Variants in PLEKHM3 observed in about 807,000 individuals in gnomAD.
PLEKHM3 encodes pleckstrin homology domain containing M3, also known as pleckstrin homology domain-containing family M member 3.
Under a neutral mutation model 81.8 loss-of-function variants are expected in PLEKHM3, and 45 were observed. The observed-to-expected ratio is 0.55, with a 90% CI of 0.43 to 0.71. The LOEUF (loss-of-function observed/expected upper bound fraction) is 0.71, where lower values mean the gene tolerates loss of function less well. Ranked by LOEUF, PLEKHM3 falls within the 30% of genes least tolerant of loss-of-function variation. PLEKHM3 has a pLI of 0.00. For synonymous variants in PLEKHM3, 352 were observed against 356.4 expected (o/e 0.99, Z 0.14); for missense variants, 788 against 924.3 (o/e 0.85, Z 1.91).
At chr2:207,865,781 C>CCAAAAAAA (rs2092492772) in intron 6 of PLEKHM3, among the ~76,000 whole-genome samples, 1 of 3,792 alleles carries the variant, frequency 2.6e-4, no homozygotes, top group African/African-American at 7.2e-4. Flanking sequence ...AACTCCGACT[C>CCAAAAAAA]AAAAAAAAAA....
intron 5 of PLEKHM3, among the ~76,000 whole-genome samples, chr2:207,920,803 G>C (rs1443090922): frequency 6.6e-6 from 1 of 151,962 alleles, no homozygotes; most frequent in African/African-American, 2.4e-5. Flanking sequence ...TACAGGTCTG[G>C]GACATAGGAG....
intron 1 of PLEKHM3, among the ~76,000 whole-genome samples, chr2:208,020,030 T>G (rs759197599): frequency 4.6e-5 from 7 of 152,262 alleles, no homozygotes; most frequent in Non-Finnish European, 1.0e-4. Flanking sequence ...TAGTTATATT[T>G]CTGATGTTTC....
intron 6 of PLEKHM3, among the ~76,000 whole-genome samples, chr2:207,862,700 A>G (rs947991202): frequency 6.6e-6 from 1 of 152,210 alleles, no homozygotes; most frequent in Non-Finnish European, 1.5e-5. Flanking sequence ...AATCATACCT[A>G]AAGAGAAATT....
At chr2:207,863,122 A>G (rs547292417) in intron 6 of PLEKHM3, among the ~76,000 whole-genome samples, 2 of 152,340 alleles carry the variant, frequency 1.3e-5, no homozygotes, top group South Asian at 4.1e-4. Context: ...TAGAGAACTG[A>G]GCCATGCATT....
At chr2:207,911,103 C>T (rs530573311) in intron 5 of PLEKHM3, among the ~76,000 whole-genome samples, 143 of 152,000 alleles carry the variant, frequency 9.4e-4, no homozygotes, top group Non-Finnish European at 1.5e-3. Flanking sequence ...TGTAGAAGAC[C>T]CAGGGCACTT....
At chr2:207,871,800 T>C (rs1314701322) in intron 6 of PLEKHM3, among the ~76,000 whole-genome samples, 2 of 152,234 alleles carry the variant, frequency 1.3e-5, no homozygotes, top group Admixed American at 1.3e-4. Context: ...TATAGGTACA[T>C]GTGTTTTATT....
chr2:207,979,536 GAAAA>G (rs796407911), intron 2 of PLEKHM3, among the ~76,000 whole-genome samples: 1 of 105,138 alleles, frequency 9.5e-6, no homozygotes, highest in Admixed American at 1.0e-4. Context: ...CGCCGTCTCA[GAAAA>G]AAAAAAAAAA....
At position 207,931,060 on chromosome 2, in the gene PLEKHM3, G is replaced by A. The variant is rs1689581113; in HGVS notation, c.1752C>T (p.Ile584=). ...EYVYEEPLID[I]QQENAMLYHH... ...GGTACAGCATGGCGTTCTCCTGCTG[G>A]ATGTCGATGAGCGGCTCTTCGTACA... The change falls in exon 5 of 8, where the codon ATC becomes ATT. Residue 584 remains isoleucine (I), a synonymous_variant. Transcript: ENST00000427836. 1 of 1,613,970 alleles carries A rather than the reference G, an allele frequency of 6.2e-7. No homozygotes were observed.
intron 5 of PLEKHM3, among the ~76,000 whole-genome samples, chr2:207,923,880 C>CATATAT (rs1226187210): frequency 5.3e-5 from 3 of 56,770 alleles, no homozygotes; most frequent in African/African-American, 2.1e-4. Flanking sequence ...CACACACACA[C>CATATAT]ATATATATAT....
chr2:207,976,574 G>A lies in PLEKHM3; in HGVS notation c.1546+77C>T. ...ATAGCTGTGACTAGCCTATTAAGGG[G>A]ATTTTTAAAGTGAATTCCAATTGTG... is the stretch of plus-strand genomic sequence containing the variant. On this transcript the variant is annotated intron_variant, in intron 3 of 7. Coordinates refer to ENST00000427836, the MANE Select transcript of PLEKHM3 (RefSeq NM_001080475.3). This position sits in a 1 kb window ranked among gnomAD's most constrained non-coding sequence, Gnocchi z 4.1. 7.1e-7 allele frequency: 1 copy of A among 1,407,698 alleles called. No homozygotes were observed. The highest frequency in any genetic ancestry group is 9.6e-7 in the Non-Finnish European group (1 of 1,038,508). The allele number at this position is 1,407,698 out of a possible 1,614,324, so 87.2% of individuals were successfully genotyped here.
In PLEKHM3 at chr2:207,821,914, C is replaced by T. The variant is rs1167530967; in HGVS notation, c.*6405G>A. 6.6e-6 allele frequency: 1 copy of T among 152,132 alleles called. No individual in the cohort carries two copies. The highest frequency in any genetic ancestry group is 2.4e-5 in the African/African-American group (1 of 41,414). 9.4% of individuals were successfully genotyped at this position (152,132 alleles called of 1,614,324 possible). ...CTTTGGCCATTCCTTCTTTTAGCTA[C>T]TATTCCTAAGAAACAGATTTAAAAT... is the stretch of plus-strand genomic sequence containing the variant. On this transcript the variant is annotated 3_prime_UTR_variant, in exon 8 of 8. Coordinates refer to ENST00000427836, the MANE Select transcript of PLEKHM3 (RefSeq NM_001080475.3).
At position 207,976,915 on chromosome 2, in the gene PLEKHM3, T is replaced by G; in HGVS notation, c.1282A>C (p.Ile428Leu). 1 of 1,614,194 alleles carries G rather than the reference T, an allele frequency of 6.2e-7. No homozygotes were observed. Among genetic ancestry groups the G allele is most frequent in the South Asian group, 1.1e-5 (1 of 91,090 alleles). The stretch of plus-strand genomic sequence containing the variant: ...AGGCGAAGGACATCCTGGGGGAAAA[T>G]GACTTGAAAGCAAGAGTCGCAGCCA... ...LDGCDSCFQV[I>L]FPQDVLRLRA... The change falls in exon 3 of 8, where the codon ATT (isoleucine) becomes CTT (leucine). Residue 428 changes from isoleucine (I) to leucine (L), a missense_variant. Coordinates refer to ENST00000427836, the MANE Select transcript of PLEKHM3 (RefSeq NM_001080475.3). The surrounding 1 kb of genome is among the most constrained non-coding windows in gnomAD (Gnocchi z 4.1).
intron 3 of PLEKHM3, among the ~76,000 whole-genome samples, chr2:207,964,169 G>T (rs944157795): frequency 6.6e-6 from 1 of 151,240 alleles, no homozygotes; most frequent in Non-Finnish European, 1.5e-5. Flanking sequence ...CTGAGATCAC[G>T]CCACTGCACT....
At chr2:207,877,398 T>C (rs1439946235) in intron 6 of PLEKHM3, among the ~76,000 whole-genome samples, 1 of 152,138 alleles carries the variant, frequency 6.6e-6, no homozygotes, top group African/African-American at 2.4e-5. Flanking sequence ...TCTAGATTCA[T>C]TTGCTCCTGC....
At chr2:207,842,261 T>G (rs1344363106) in intron 7 of PLEKHM3, among the ~76,000 whole-genome samples, 1 of 152,156 alleles carries the variant, frequency 6.6e-6, no homozygotes, top group Admixed American at 6.5e-5. Flanking sequence ...GTTTTATTTA[T>G]AAGGTTTATT....
At chr2:207,943,684 C>T (rs938055427) in intron 4 of PLEKHM3, among the ~76,000 whole-genome samples, 10 of 151,632 alleles carry the variant, frequency 6.6e-5, no homozygotes, top group African/African-American at 1.5e-4. Context: ...CCGGCTAGAA[C>T]GGTGAAACCC....
At chr2:207,923,384 G>A (rs572834948) in intron 5 of PLEKHM3, among the ~76,000 whole-genome samples, 4 of 152,322 alleles carry the variant, frequency 2.6e-5, no homozygotes, top group African/African-American at 9.6e-5. Flanking sequence ...GAGGCAGGAG[G>A]ATCACCTGAG....
At chr2:207,938,717 G>A (rs1351981040) in intron 4 of PLEKHM3, among the ~76,000 whole-genome samples, 4 of 152,162 alleles carry the variant, frequency 2.6e-5, no homozygotes, top group Non-Finnish European at 5.9e-5. Context: ...ACTTGGGAAG[G>A]AGTGGTCTGA....
chr2:208,016,956 T>C (rs751723186), intron 1 of PLEKHM3, among the ~76,000 whole-genome samples: 1 of 152,230 alleles, frequency 6.6e-6, no homozygotes, highest in Non-Finnish European at 1.5e-5. Flanking sequence ...TATAAAATTA[T>C]GCAATATTTG....
Sources: allele counts gnomAD v4.1 joint callset (sites outside exome capture counted in the v4.1 genomes callset), GRCh38; gene constraint gnomAD v4.1.1; non-coding constraint Gnocchi (gnomAD v3.1); transcripts MANE v1.5; gene names NCBI Gene and HGNC (gene_info 2026-07-23, HGNC 2026-07-21).